Variants in NTM observed in about 807,000 individuals in gnomAD.
NTM encodes the protein IgLON family member 2.
In NTM, 13 loss-of-function variants were observed where a neutral mutation model predicts 42.1. The observed-to-expected ratio is 0.31, with a 90% CI of 0.20 to 0.49. NTM has a LOEUF of 0.49. Ranked by LOEUF, NTM falls within the 20% of genes least tolerant of loss-of-function variation. The pLI is 0.99. For missense variants in NTM, 373 were observed against 452.8 expected (o/e 0.82, Z 1.60); for synonymous variants, 187 against 179.2 (o/e 1.04, Z -0.35).
chr11:131,747,769 G>A (rs1565496197), intron 1 of NTM, among the ~76,000 whole-genome samples: 1 of 152,150 alleles, frequency 6.6e-6, no homozygotes, highest in Non-Finnish European at 1.5e-5. Flanking sequence ...GGAATTTCCT[G>A]AAAGCTCCAT....
intron 2 of NTM, among the ~76,000 whole-genome samples, chr11:131,994,193 G>T (rs1215311837): frequency 6.6e-6 from 1 of 152,136 alleles, no homozygotes; most frequent in Admixed American, 6.6e-5. Flanking sequence ...TGATTACCTT[G>T]AGAAGAACAG....
rs5795724 is a variant in NTM at position 131,411,540 on chromosome 11, CGTGTGTGTGTGTGT to C, written c.82+40687_82+40700del. Among the ~76,000 whole-genome samples the C allele has an allele frequency of 5.9e-4, 76 of 129,766 alleles. 1 individual carries two copies. Among genetic ancestry groups the C allele is most frequent in the South Asian group, 1.1e-3 (4 of 3,522 alleles). The allele number at this position is 129,766 out of a possible 152,430, so 85.1% of individuals were successfully genotyped here. A position where few individuals can be genotyped will look rare whatever the true frequency, so the allele number is the denominator to read the frequency against. ...GCCTCCTGAAGTATTTAGGGGGGGC[CGTGTGTGTGTGTGT>C]GTGTGTGTGTGTGTGTGTGTGTGTG... On this transcript the variant is annotated intron_variant, in intron 1 of 8. Transcript: ENST00000683400.
intron 1 of NTM, among the ~76,000 whole-genome samples, chr11:131,564,492 C>T (rs1187432328): frequency 1.3e-5 from 2 of 151,706 alleles, no homozygotes; most frequent in Non-Finnish European, 2.9e-5. Context: ...TTTAGTGTCT[C>T]TTCTTTTTCA....
At chr11:132,232,625 G>A (rs928349165) in intron 4 of NTM, among the ~76,000 whole-genome samples, 2 of 152,172 alleles carry the variant, frequency 1.3e-5, no homozygotes, top group Non-Finnish European at 2.9e-5. Context: ...CTGAACCTTT[G>A]TTACCTCATC....
intron 1 of NTM, among the ~76,000 whole-genome samples, chr11:131,692,687 T>A (rs1440797608): frequency 6.6e-6 from 1 of 152,182 alleles, no homozygotes; most frequent in Non-Finnish European, 1.5e-5. Flanking sequence ...GAAAGTGCCT[T>A]CCCTAGCTTC....
At chr11:131,945,078 C>T (rs547064429) in intron 2 of NTM, among the ~76,000 whole-genome samples, 1 of 152,162 alleles carries the variant, frequency 6.6e-6, no homozygotes, top group Admixed American at 6.5e-5. Flanking sequence ...TCCCCTTTCA[C>T]CAAGCACAAA....
chr11:131,890,521 T>C (rs1439790598), intron 1 of NTM, among the ~76,000 whole-genome samples: 1 of 152,210 alleles, frequency 6.6e-6, no homozygotes, highest in Non-Finnish European at 1.5e-5. Flanking sequence ...TCTCCTTTTT[T>C]GTAAGGCAAA....
intron 4 of NTM, among the ~76,000 whole-genome samples, chr11:132,245,836 T>C (rs1007988952): frequency 6.6e-6 from 1 of 152,110 alleles, no homozygotes; most frequent in Admixed American, 6.5e-5. Context: ...ATTGTGCCAG[T>C]TTCAGGGTTG....
intron 1 of NTM, among the ~76,000 whole-genome samples, chr11:131,393,268 C>T (rs1380020641): frequency 1.3e-5 from 2 of 152,174 alleles, no homozygotes; most frequent in East Asian, 3.9e-4. Context: ...AAGAAAGCCC[C>T]ATGGGCCTGT....
chr11:132,249,525 G>T (rs2091679662), intron 4 of NTM, among the ~76,000 whole-genome samples: 1 of 152,200 alleles, frequency 6.6e-6, no homozygotes, highest in Non-Finnish European at 1.5e-5. Flanking sequence ...GCGGCAGGAG[G>T]AAATTCCTGG....
intron 3 of NTM, among the ~76,000 whole-genome samples, chr11:132,152,058 C>T (rs1320367774): frequency 6.6e-6 from 1 of 152,194 alleles, no homozygotes; most frequent in Non-Finnish European, 1.5e-5. Context: ...AGAACAGGAA[C>T]AATAACTTTT....
chr11:131,571,800 A>G (rs1399225381), intron 1 of NTM, among the ~76,000 whole-genome samples: 1 of 152,226 alleles, frequency 6.6e-6, no homozygotes, highest in East Asian at 1.9e-4. Context: ...TTAAGGCAAT[A>G]CAGGACTTGT....
chr11:131,625,092 C>T (rs962612397), intron 1 of NTM, among the ~76,000 whole-genome samples: 2 of 152,198 alleles, frequency 1.3e-5, no homozygotes, highest in African/African-American at 4.8e-5. Flanking sequence ...ATGTGCTACA[C>T]TGCCTATTGA....
chr11:131,498,778 G>C (rs547108081), intron 1 of NTM, among the ~76,000 whole-genome samples: 3 of 152,330 alleles, frequency 2.0e-5, no homozygotes, highest in East Asian at 3.9e-4. Context: ...CTGCCAGGAG[G>C]GGGTGGCCAC....
intron 1 of NTM, among the ~76,000 whole-genome samples, chr11:131,402,313 C>T (rs1945334281): frequency 6.6e-6 from 1 of 151,598 alleles, no homozygotes; most frequent in South Asian, 2.1e-4. Context: ...GTCTAGGATT[C>T]AGCAGTTTAT....
chr11:132,122,875 TCTCACACACA>T (rs921327539), intron 2 of NTM, among the ~76,000 whole-genome samples: 20 of 152,016 alleles, frequency 1.3e-4, no homozygotes, highest in African/African-American at 3.6e-4. Context: ...TGTTGCCTTG[TCTCACACACA>T]CTCACACACA....
chr11:131,605,266 C>T (rs2060847046), intron 1 of NTM, among the ~76,000 whole-genome samples: 2 of 152,096 alleles, frequency 1.3e-5, no homozygotes, highest in African/African-American at 2.4e-5. Context: ...GGAAGTTTTG[C>T]AATTATTTTG....
chr11:132,303,875 G>C (rs2094967294), intron 4 of NTM, among the ~76,000 whole-genome samples: 1 of 152,128 alleles, frequency 6.6e-6, no homozygotes, highest in African/African-American at 2.4e-5. Context: ...GGGCCCCTCA[G>C]TGTCCCCACT....
At chr11:132,165,823 T>A (rs192708764) in intron 3 of NTM, among the ~76,000 whole-genome samples, 1 of 152,326 alleles carries the variant, frequency 6.6e-6, no homozygotes, top group East Asian at 1.9e-4. Context: ...TTATTTCTTT[T>A]TGGGCTCTCC....
Sources: gnomAD v4.1 joint callset for allele counts (sites outside exome capture counted in the v4.1 genomes callset) on GRCh38, gnomAD v4.1.1 for gene constraint, MANE v1.5 for transcripts, NCBI Gene and HGNC (gene_info 2026-07-23, HGNC 2026-07-21) for gene names.